Variants in RGS7 observed in about 807,000 individuals in gnomAD.
The protein encoded by RGS7 is regulator of G protein signaling 7.
In RGS7, 27 loss-of-function variants were observed where a neutral mutation model predicts 81.1. That is an observed-to-expected ratio of 0.33 (90% CI 0.25 to 0.46). The LOEUF is 0.46. RGS7 is among the 20% of genes least tolerant of loss of function. The probability of loss-of-function intolerance (pLI) is 1.00; values close to 1 mark genes in which losing one functional copy is unlikely to be tolerated. For synonymous variants in RGS7, 208 were observed against 207.7 expected (o/e 1.00, Z -0.01); for missense variants, 396 against 607.4 (o/e 0.65, Z 3.66).
intron 2 of RGS7, among the ~76,000 whole-genome samples, chr1:241,328,648 G>A (rs1392095803): frequency 6.6e-6 from 1 of 152,148 alleles, no homozygotes; most frequent in Admixed American, 6.5e-5. Flanking sequence ...GTCTGTTTTG[G>A]TGACTGACAG....
At chr1:241,190,089 C>G (rs2072515823) in intron 2 of RGS7, among the ~76,000 whole-genome samples, 1 of 151,764 alleles carries the variant, frequency 6.6e-6, no homozygotes, top group Admixed American at 6.6e-5. Context: ...GGCGACAGAG[C>G]AGACTCCGTC....
intron 2 of RGS7, among the ~76,000 whole-genome samples, chr1:241,258,612 T>C (rs1041015617): frequency 6.6e-6 from 1 of 152,214 alleles, no homozygotes; most frequent in Non-Finnish European, 1.5e-5. Flanking sequence ...TCTTATTCTA[T>C]GCTTCTATTA....
At chr1:240,855,953 CTT>C (rs548111367) in intron 9 of RGS7, among the ~76,000 whole-genome samples, 35 of 152,158 alleles carry the variant, frequency 2.3e-4, no homozygotes, top group African/African-American at 7.9e-4. Flanking sequence ...AGGTTAAACT[CTT>C]TTCCCAATTT....
intron 5 of RGS7, among the ~76,000 whole-genome samples, chr1:240,933,181 C>T (rs1044921961): frequency 2.0e-5 from 3 of 151,806 alleles, no homozygotes; most frequent in Non-Finnish European, 2.9e-5. Context: ...CGCGCCCGGC[C>T]GGTGTTACTT....
In RGS7 at chr1:241,098,753, C is replaced by A. The variant is rs758148829; in HGVS notation, c.88G>T (p.Val30Phe). ...TTTTCATCTTGCATCCGTGCTATGACGTCTTCCATCTAAACAATAATAACA... is the reference window on the plus strand; with the variant it reads ...TTTTCATCTTGCATCCGTGCTATGAAGTCTTCCATCTAAACAATAATAACA... The part of the protein sequence containing the change: ...NMLVYRKMED[V>F]IARMQDEKNG... The change falls in exon 3 of 19, where the codon GTC becomes TTC. Residue 30 changes from valine to phenylalanine, a missense_variant. By Grantham distance (50) the Val-to-Phe change is conservative. Coordinates refer to ENST00000440928, the MANE Select transcript of RGS7 (RefSeq NM_001364886.1). 5 of 1,608,084 alleles carry A rather than the reference C, an allele frequency of 3.1e-6. No homozygotes were observed. In the Admixed American group the frequency reaches 6.7e-5, roughly 21 times the overall value.
At chr1:241,303,575 A>G (rs1226266408) in intron 2 of RGS7, among the ~76,000 whole-genome samples, 1 of 152,298 alleles carries the variant, frequency 6.6e-6, no homozygotes, top group Admixed American at 6.5e-5. Flanking sequence ...ACTCTACACA[A>G]TGGTCATATT....
chr1:240,964,849 G>C (rs907794709), intron 4 of RGS7, among the ~76,000 whole-genome samples: 36 of 152,022 alleles, frequency 2.4e-4, no homozygotes, highest in African/African-American at 7.2e-4. Flanking sequence ...TTTTTAAAGA[G>C]GTCATGAAAA....
At chr1:241,232,199 T>G (rs908093389) in intron 2 of RGS7, among the ~76,000 whole-genome samples, 2 of 151,562 alleles carry the variant, frequency 1.3e-5, no homozygotes, top group Non-Finnish European at 2.9e-5. Flanking sequence ...CTATTCTCTC[T>G]CTCTCTCTCT....
chr1:241,037,553 T>C (rs1467995549), intron 3 of RGS7, among the ~76,000 whole-genome samples: 3 of 151,954 alleles, frequency 2.0e-5, no homozygotes, highest in African/African-American at 7.3e-5. Flanking sequence ...ACCCCATCTC[T>C]ACTAAAAATA....
chr1:240,918,721 A>T (rs1276713473), intron 6 of RGS7, among the ~76,000 whole-genome samples: 1 of 152,106 alleles, frequency 6.6e-6, no homozygotes, highest in East Asian at 1.9e-4. Context: ...AAACAGAAGA[A>T]AACAAATAAT....
chr1:240,855,805 T>C (rs1281049077), intron 9 of RGS7, among the ~76,000 whole-genome samples: 1 of 152,184 alleles, frequency 6.6e-6, no homozygotes, highest in Non-Finnish European at 1.5e-5. Context: ...ATAATACCAA[T>C]GCACACACCC....
chr1:241,322,854 T>C (rs2081289419), intron 2 of RGS7, among the ~76,000 whole-genome samples: 1 of 152,162 alleles, frequency 6.6e-6, no homozygotes, highest in Admixed American at 6.5e-5. Context: ...AAAATACAGG[T>C]ACTGTAATTC....
At chr1:241,227,127 G>A (rs1220256457) in intron 2 of RGS7, among the ~76,000 whole-genome samples, 1 of 152,166 alleles carries the variant, frequency 6.6e-6, no homozygotes, top group Admixed American at 6.5e-5. Flanking sequence ...GAGGGGAAAA[G>A]GAGGAATCTA....
chr1:241,333,693 C>T (rs966274621), intron 2 of RGS7, among the ~76,000 whole-genome samples: 1 of 151,784 alleles, frequency 6.6e-6, no homozygotes, highest in South Asian at 2.1e-4. Flanking sequence ...AATTTTACAG[C>T]GAATTAAGGG....
rs1175265961 is a variant in RGS7 at position 241,203,707 on chromosome 1, A to G, written c.79-104945T>C. On this transcript the variant is annotated intron_variant, in intron 2 of 18. Coordinates refer to ENST00000440928, the MANE Select transcript of RGS7 (RefSeq NM_001364886.1). Reference sequence around the variant, plus strand: ...ATAATCCCTGTCTCTTGATAAACACAAACAGGCAATCACCAAACCAGTGCC... The same window carrying G: ...ATAATCCCTGTCTCTTGATAAACACGAACAGGCAATCACCAAACCAGTGCC... Among the ~76,000 whole-genome samples the G allele has an allele frequency of 2.0e-5, 3 of 152,194 alleles. No individual in the cohort carries two copies. The East Asian group carries it at 5.8e-4, about 29-fold the overall frequency.
intron 18 of RGS7, among the ~76,000 whole-genome samples, chr1:240,778,642 C>T (rs1475894328): frequency 6.6e-6 from 1 of 152,180 alleles, no homozygotes; most frequent in Non-Finnish European, 1.5e-5. Flanking sequence ...AAGCAATCCT[C>T]CTGCCTCAGC....
Position 241,007,311 on chromosome 1 carries a change from C to T in RGS7, c.176-24182G>A, listed in dbSNP as rs189985487. On this transcript the variant is annotated intron_variant, in intron 3 of 18. Transcript: ENST00000440928. ...GTAAGAACACAGTGGTACTTTACTA[C>T]CACTTCAAGTATGTTGAATGCTCTT... is the stretch of plus-strand genomic sequence containing the variant. Among the ~76,000 whole-genome samples the T allele has an allele frequency of 1.1e-4, 17 of 152,256 alleles. 1 individual carries two copies. In the East Asian group the frequency reaches 3.3e-3, roughly 29 times the overall value.
intron 9 of RGS7, among the ~76,000 whole-genome samples, chr1:240,851,799 G>A (rs1231800065): frequency 6.6e-6 from 1 of 152,132 alleles, no homozygotes; most frequent in African/African-American, 2.4e-5. Flanking sequence ...CAGATGTGGT[G>A]GAAATAGCGA....
Position 241,193,278 on chromosome 1 carries a change from G to T in RGS7, c.79-94516C>A, listed in dbSNP as rs73131679. Among the ~76,000 whole-genome samples, 302 of 152,218 alleles carry T rather than the reference G, an allele frequency of 2.0e-3. 2 individuals carry two copies. Among genetic ancestry groups the T allele is most frequent in the Middle Eastern group, 6.8e-3 (2 of 294 alleles). On this transcript the variant is annotated intron_variant, in intron 2 of 18. Transcript: ENST00000440928. ...AGAATTATTCAAACCTAATTCTCCC[G>T]CAAGACCTCATCCATTGCTCACTGC...
Sources: gnomAD v4.1 joint callset for allele counts (sites outside exome capture counted in the v4.1 genomes callset) on GRCh38, gnomAD v4.1.1 for gene constraint, MANE v1.5 for transcripts, NCBI Gene and HGNC (gene_info 2026-07-23, HGNC 2026-07-21) for gene names.